The following NCAPH variants were observed in gnomAD, a reference collection of about 807,000 sequenced individuals.
The protein encoded by NCAPH is non-SMC condensin I complex subunit H.
A neutral mutation model predicts 85.5 loss-of-function variants in NCAPH; 38 were observed. The ratio of observed to expected loss-of-function variants is 0.44; its 90% confidence interval spans 0.34 to 0.58. The LOEUF (loss-of-function observed/expected upper bound fraction) is 0.58. Among genes scored for constraint, NCAPH ranks in the 20% least tolerant of loss-of-function variants. The pLI is 0.01. For synonymous variants in NCAPH, 301 were observed against 335.1 expected (o/e 0.90, Z 1.11); for missense variants, 789 against 916.6 (o/e 0.86, Z 1.80).
At chr2:96,351,154 C>T (rs1025257557) in intron 6 of NCAPH, among the ~76,000 whole-genome samples, 3 of 152,190 alleles carry the variant, frequency 2.0e-5, no homozygotes, top group Admixed American at 6.5e-5. Context: ...ACAATAGAGC[C>T]CTGTGACTAG....
intron 16 of NCAPH, 63 bp from the exon 17 acceptor site, chr2:96,369,362 T>G: frequency 1.4e-6 from 2 of 1,383,256 alleles, no homozygotes; most frequent in Non-Finnish European, 2.1e-6. Flanking sequence ...TATTCATACT[T>G]GATGAACGAG....
intron 6 of NCAPH, among the ~76,000 whole-genome samples, chr2:96,346,034 A>G (rs1409970121): frequency 1.3e-5 from 2 of 152,200 alleles, no homozygotes; most frequent in Non-Finnish European, 2.9e-5. Context: ...TATTTTGTTG[A>G]TGACAGCAGT....
rs189162735 is a variant in NCAPH at position 96,373,524 on chromosome 2, C to T, written c.*173C>T. The T allele has an allele frequency of 1.9e-5, 12 of 615,548 alleles. No individual in the cohort carries two copies. The highest frequency in any genetic ancestry group is 3.2e-5 in the Non-Finnish European group (11 of 347,858). 38.1% of individuals were successfully genotyped at this position (615,548 alleles called of 1,614,324 possible). On this transcript the variant is annotated 3_prime_UTR_variant, in exon 18 of 18. Transcript: ENST00000240423. ...CTCTCCATCATAGTCTGGGTGCCAGCGCCCTGAAGCTCCGTGCTCAACTGA... is the reference window on the plus strand; with the variant it reads ...CTCTCCATCATAGTCTGGGTGCCAGTGCCCTGAAGCTCCGTGCTCAACTGA...
At chr2:96,353,457 C>T in intron 8 of NCAPH, 60 bp downstream of exon 8, 1 of 1,384,448 alleles carries the variant, frequency 7.2e-7, no homozygotes, top group Non-Finnish European at 1.0e-6. Flanking sequence ...TGGTCCTGCC[C>T]AATGGGAACC....
intron 10 of NCAPH, chr2:96,359,397 G>C: frequency 3.4e-6 from 2 of 584,194 alleles, no homozygotes; most frequent in Non-Finnish European, 3.0e-6. Flanking sequence ...GCCTCTGAGT[G>C]AGGAGAGTGA....
rs370433299 is a variant in NCAPH at position 96,374,164 on chromosome 2, C to T, written c.*813C>T. ...GTGACTCTCATGTTGGAGGAGGAAACGGACACCCAAGGTAGAGGAACTTGC... is the reference window on the plus strand; with the variant it reads ...GTGACTCTCATGTTGGAGGAGGAAATGGACACCCAAGGTAGAGGAACTTGC... On this transcript the variant is annotated 3_prime_UTR_variant, in exon 18 of 18. Coordinates refer to ENST00000240423, the MANE Select transcript of NCAPH (RefSeq NM_015341.5). Among the ~76,000 whole-genome samples, 40 of 152,322 alleles carry T rather than the reference C, an allele frequency of 2.6e-4. 2 individuals are homozygous for T. The East Asian group carries it at 5.2e-3, about 20-fold the overall frequency.
intron 17 of NCAPH, among the ~76,000 whole-genome samples, chr2:96,369,824 A>G (rs927285022): frequency 1.3e-5 from 2 of 152,256 alleles, no homozygotes; most frequent in Non-Finnish European, 2.9e-5. Context: ...GCCAAAGCCT[A>G]GTAGTACCAA....
intron 17 of NCAPH, among the ~76,000 whole-genome samples, chr2:96,372,824 A>G (rs1293633145): frequency 2.6e-5 from 4 of 152,320 alleles, no homozygotes; most frequent in South Asian, 4.1e-4. Flanking sequence ...TATGTATAGG[A>G]AAAAACAAGG....
chr2:96,372,578 C>G (rs1367133411), intron 17 of NCAPH, among the ~76,000 whole-genome samples: 1 of 152,108 alleles, frequency 6.6e-6, no homozygotes, highest in Non-Finnish European at 1.5e-5. Flanking sequence ...GTCACCATGT[C>G]CCGCTCCATC....
At chr2:96,338,705 C>T (rs1450744865) in intron 1 of NCAPH, among the ~76,000 whole-genome samples, 1 of 152,202 alleles carries the variant, frequency 6.6e-6, no homozygotes, top group East Asian at 1.9e-4. Context: ...GTAGGCAGCT[C>T]TGAAGCTGCA....
intron 5 of NCAPH, 147 bp downstream of exon 5, chr2:96,343,451 C>G (rs117164497): frequency 7.9e-6 from 7 of 887,670 alleles, no homozygotes; most frequent in Non-Finnish European, 1.1e-5. Flanking sequence ...TATGGTCTTA[C>G]GTGAGAAGAT....
Position 96,351,957 on chromosome 2 carries a change from C to T in NCAPH, c.847C>T (p.Leu283Phe). The change falls in exon 7 of 18, where the codon CTC becomes TTC. Residue 283 changes from leucine to phenylalanine, a missense_variant. Physicochemically the swap from Leu to Phe is conservative, Grantham distance 22. Transcript: ENST00000240423. ...GCTGTTTCCCTCTGATGTCCAGACTCTCTCCACGGGAGAACCTCTCGAGTT... is the reference window on the plus strand; with the variant it reads ...GCTGTTTCCCTCTGATGTCCAGACTTTCTCCACGGGAGAACCTCTCGAGTT... The part of the protein sequence containing the change: ...ELLFPSDVQT[L>F]STGEPLELPE... The T allele has an allele frequency of 6.2e-7, 1 of 1,614,220 alleles. No homozygotes were observed. Among genetic ancestry groups the T allele is most frequent in the East Asian group, 2.2e-5 (1 of 44,888 alleles).
chr2:96,372,077 G>A (rs1297164897), intron 17 of NCAPH, among the ~76,000 whole-genome samples: 1 of 152,258 alleles, frequency 6.6e-6, no homozygotes, highest in African/African-American at 2.4e-5. Context: ...AAAGGTGCGA[G>A]TGACTGTTGA....
In NCAPH at chr2:96,342,120, A is replaced by G. The variant is rs1323043804; in HGVS notation, c.343A>G (p.Ile115Val). ...TQITEHYSTCIKLSTENKITT... is the reference protein window; with the variant it reads ...TQITEHYSTCVKLSTENKITT... Reference sequence around the variant, plus strand: ...GATTACGGAACATTACTCCACCTGTATCAAACTGTCCACTGAAAATGTGAG... The same window carrying G: ...GATTACGGAACATTACTCCACCTGTGTCAAACTGTCCACTGAAAATGTGAG... The change falls in exon 3 of 18, where the codon ATC becomes GTC. Residue 115 changes from isoleucine (I) to valine (V), a missense_variant. Coordinates refer to ENST00000240423, the MANE Select transcript of NCAPH (RefSeq NM_015341.5). 1 of 1,610,478 alleles carries G rather than the reference A, an allele frequency of 6.2e-7. No individual in the cohort carries two copies. The highest frequency in any genetic ancestry group is 2.2e-5 in the East Asian group (1 of 44,868).
chr2:96,346,783 C>T (rs2104436072), intron 6 of NCAPH, among the ~76,000 whole-genome samples: 1 of 151,740 alleles, frequency 6.6e-6, no homozygotes, highest in Admixed American at 6.6e-5. Flanking sequence ...TCAGAGCAGG[C>T]AAGGGAGCAA....
Position 96,353,293 on chromosome 2 carries a change from C to T in NCAPH, c.911-13C>T, listed in dbSNP as rs1465388499. 4 of 1,611,792 alleles carry T rather than the reference C, an allele frequency of 2.5e-6. No individual in the cohort carries two copies. The highest frequency in any genetic ancestry group is 2.2e-5 in the South Asian group (2 of 91,018). Reference sequence around the variant, plus strand: ...CTTCTAATCTCTCTTTGTGATCTTGCTATCCTCTCCAGCGCCCTTGCAGCA... The same window carrying T: ...CTTCTAATCTCTCTTTGTGATCTTGTTATCCTCTCCAGCGCCCTTGCAGCA... On this transcript the variant is annotated splice_polypyrimidine_tract_variant and intron_variant, in intron 7 of 17. Coordinates refer to ENST00000240423, the MANE Select transcript of NCAPH (RefSeq NM_015341.5).
intron 13 of NCAPH, among the ~76,000 whole-genome samples, 192 bp from the exon 14 acceptor site, chr2:96,365,683 CA>C (rs2064687146): frequency 6.6e-6 from 1 of 152,314 alleles, no homozygotes; most frequent in Non-Finnish European, 1.5e-5. Flanking sequence ...AGGTTGATAA[CA>C]GACACCTCTC....
chr2:96,336,674 T>G (rs1392905565), intron 1 of NCAPH, among the ~76,000 whole-genome samples: 1 of 152,198 alleles, frequency 6.6e-6, no homozygotes, highest in African/African-American at 2.4e-5. Flanking sequence ...GGATCTATAA[T>G]CACTTAGGTG....
Position 96,342,039 on chromosome 2 carries a change from T to C in NCAPH, c.273-11T>C. 6.2e-7 allele frequency: 1 copy of C among 1,610,176 alleles called. No homozygotes were observed. Among genetic ancestry groups the C allele is most frequent in the Non-Finnish European group, 8.5e-7 (1 of 1,176,522 alleles). ...TCTTGCCAGAGTTGTTTGTTTTTGT[T>C]TTCCATTTAGGAGTATTGACATTTC... On this transcript the variant is annotated splice_polypyrimidine_tract_variant and intron_variant, in intron 2 of 17. Coordinates refer to ENST00000240423, the MANE Select transcript of NCAPH (RefSeq NM_015341.5).
Sources: allele counts gnomAD v4.1 joint callset (sites outside exome capture counted in the v4.1 genomes callset), GRCh38; gene constraint gnomAD v4.1.1; transcripts MANE v1.5; gene names NCBI Gene and HGNC (gene_info 2026-07-23, HGNC 2026-07-21).